Variants in FAM216A observed in about 807,000 individuals in gnomAD.
The protein encoded by FAM216A is family with sequence similarity 216 member A.
In FAM216A, 26 loss-of-function variants were observed where a neutral mutation model predicts 37.6. The ratio of observed to expected loss-of-function variants is 0.69; its 90% CI spans 0.51 to 0.96. The LOEUF is 0.96. Ranked by LOEUF, FAM216A falls within the 40% of genes least tolerant of loss-of-function variation. The pLI is 0.00. For synonymous variants in FAM216A, 110 were observed against 121.7 expected (o/e 0.90, Z 0.64); for missense variants, 326 against 339.3 (o/e 0.96, Z 0.31).
At chr12:110,480,077 G>C (rs1052714087) in intron 2 of FAM216A, among the ~76,000 whole-genome samples, 1 of 150,878 alleles carries the variant, frequency 6.6e-6, no homozygotes, top group Non-Finnish European at 1.5e-5. Flanking sequence ...CCAGGCTGGA[G>C]TGCAATGGCT....
chr12:110,482,560 C>CCAA (rs2062753221), intron 2 of FAM216A, among the ~76,000 whole-genome samples: 1 of 151,900 alleles, frequency 6.6e-6, no homozygotes, highest in South Asian at 2.1e-4. Flanking sequence ...CTTTGGGAGG[C>CCAA]TGAGGCGGTC....
chr12:110,469,163 A>G (rs934071217), intron 1 of FAM216A, 145 bp downstream of exon 1: 63 of 996,376 alleles, frequency 6.3e-5, no homozygotes, highest in Non-Finnish European at 8.3e-5. Flanking sequence ...AGAGGCGGGG[A>G]GCAGTTTTGT....
upstream of FAM216A, chr12:110,468,705 A>C: frequency 1.5e-5 from 23 of 1,516,694 alleles, no homozygotes; most frequent in Non-Finnish European, 9.7e-6. Context: ...CAGCGACCGC[A>C]GCGCTCCTGC....
chr12:110,483,072 C>A (rs1365979319), intron 2 of FAM216A, among the ~76,000 whole-genome samples: 1 of 151,358 alleles, frequency 6.6e-6, no homozygotes, highest in Non-Finnish European at 1.5e-5. Flanking sequence ...ATGCCTGCAA[C>A]CCCAGCACTT....
intron 2 of FAM216A, among the ~76,000 whole-genome samples, chr12:110,479,542 AAAAG>A (rs2062734173): frequency 1.3e-5 from 2 of 151,932 alleles, no homozygotes; most frequent in African/African-American, 4.8e-5. Flanking sequence ...AAAAAAAAAA[AAAAG>A]AAGCCTAGTA....
Position 110,490,017 on chromosome 12 carries a change from A to C in FAM216A, c.704-2A>C. On this transcript the variant is annotated splice_acceptor_variant, in intron 6 of 6. Coordinates refer to ENST00000377673, the MANE Select transcript of FAM216A (RefSeq NM_013300.3). LOFTEE classifies it high-confidence loss of function. ...AATTGTAAATTCTTATTTTTCCTTC[A>C]GTTTCTTCAGATGATTCTGAATCAC... 1 of 1,265,314 alleles carries C rather than the reference A, an allele frequency of 7.9e-7. No homozygotes were observed. Among genetic ancestry groups the C allele is most frequent in the Non-Finnish European group, 1.2e-6 (1 of 867,184 alleles). The allele number at this position is 1,265,314 out of a possible 1,614,324, so 78.4% of individuals were successfully genotyped here. A position where few individuals can be genotyped will look rare whatever the true frequency, so the allele number is the denominator to read the frequency against.
chr12:110,474,990 C>T (rs2135543854), intron 2 of FAM216A, among the ~76,000 whole-genome samples: 1 of 150,636 alleles, frequency 6.6e-6, no homozygotes, highest in African/African-American at 2.4e-5. Context: ...GAAACTCCAT[C>T]TCAAAAAAAA....
intron 5 of FAM216A, chr12:110,487,029 C>A: frequency 3.8e-6 from 1 of 260,938 alleles, no homozygotes; most frequent in Non-Finnish European, 7.3e-6. Context: ...CTGTGCCCAG[C>A]CTTCCCCATC....
chr12:110,469,146 T>C (rs1370240505), intron 1 of FAM216A, 128 bp downstream of exon 1: 1 of 1,123,912 alleles, frequency 8.9e-7, no homozygotes, highest in East Asian at 3.1e-5. Context: ...CCCGGTGCCC[T>C]CAAGTGAGAG....
intron 2 of FAM216A, among the ~76,000 whole-genome samples, chr12:110,474,927 G>C (rs1054969020): frequency 6.6e-6 from 1 of 151,926 alleles, no homozygotes; most frequent in Non-Finnish European, 1.5e-5. Context: ...GGGAGGCAGA[G>C]GTTGCGGTGA....
intron 6 of FAM216A, among the ~76,000 whole-genome samples, chr12:110,488,361 A>AGATTGCG (rs1214526533): frequency 3.3e-5 from 5 of 149,946 alleles, no homozygotes; most frequent in African/African-American, 1.2e-4. Flanking sequence ...GAGTGAGCTG[A>AGATTGCG]GATTGCGCCA....
chr12:110,471,092 C>G lies in FAM216A; in HGVS notation c.144-1986C>G, dbSNP rs367758425. Among the ~76,000 whole-genome samples, 6 of 151,942 alleles carry G rather than the reference C, an allele frequency of 3.9e-5. No individual in the cohort carries two copies. The South Asian group carries it at 1.2e-3, about 31-fold the overall frequency. ...CTAATGGGAACTCCGGAACTCCTTA[C>G]TTTTTTTCTTCTTTTTTTTTGAGAT... On this transcript the variant is annotated intron_variant, in intron 1 of 6. Transcript: ENST00000377673.
intron 2 of FAM216A, among the ~76,000 whole-genome samples, chr12:110,473,919 G>C (rs2062701127): frequency 6.6e-6 from 1 of 152,076 alleles, no homozygotes; most frequent in South Asian, 2.1e-4. Context: ...GAGAGGAGCT[G>C]GAATTAACTG....
rs556253469 is a variant in FAM216A, at chr12:110,479,873, A to C, written c.185-5205A>C. 2.5e-3 allele frequency among the ~76,000 whole-genome samples: 375 copies of C among 151,820 alleles called. 3 individuals are homozygous for C. Among genetic ancestry groups the C allele is most frequent in the African/African-American group, 8.8e-3 (364 of 41,462 alleles). On this transcript the variant is annotated intron_variant, in intron 2 of 6. Coordinates refer to ENST00000377673, the MANE Select transcript of FAM216A (RefSeq NM_013300.3). ...AAAAAAAACAAAAAACAAAACAACA[A>C]AAAAAAGCCTAGTAGTTAATTAGAG...
chr12:110,482,845 T>A (rs1426569330), intron 2 of FAM216A, among the ~76,000 whole-genome samples: 1 of 151,754 alleles, frequency 6.6e-6, no homozygotes, highest in African/African-American at 2.4e-5. Context: ...AACTATTTGT[T>A]ACATGTGACA....
At chr12:110,481,775 A>G (rs1422999249) in intron 2 of FAM216A, among the ~76,000 whole-genome samples, 1 of 152,164 alleles carries the variant, frequency 6.6e-6, no homozygotes, top group Non-Finnish European at 1.5e-5. Context: ...TTTATTAAGG[A>G]CACAATTCAT....
intron 2 of FAM216A, among the ~76,000 whole-genome samples, chr12:110,473,728 GAAA>G (rs954094744): frequency 6.6e-6 from 1 of 152,092 alleles, no homozygotes; most frequent in Admixed American, 6.6e-5. Flanking sequence ...ATGGATAGAA[GAAA>G]AAAATTCTAA....
At chr12:110,473,141 A>G (rs1373166067) in intron 2 of FAM216A, 23 bp downstream of exon 2, 1 of 1,365,154 alleles carries the variant, frequency 7.3e-7, no homozygotes, top group Non-Finnish European at 1.0e-6. Flanking sequence ...TATAAAGCAG[A>G]TAATACTTAT....
intron 2 of FAM216A, among the ~76,000 whole-genome samples, chr12:110,475,905 T>A (rs2062712254): frequency 6.6e-6 from 1 of 151,834 alleles, no homozygotes; most frequent in African/African-American, 2.4e-5. Context: ...CCCAGCTAAT[T>A]TTTATATTTT....
Sources: allele counts gnomAD v4.1 joint callset (sites outside exome capture counted in the v4.1 genomes callset), GRCh38; gene constraint gnomAD v4.1.1; transcripts MANE v1.5; gene names NCBI Gene and HGNC (gene_info 2026-07-23, HGNC 2026-07-21).